The following ERCC8 variants were observed in gnomAD, a reference collection of about 807,000 sequenced individuals.
The protein encoded by ERCC8 is DNA excision repair protein ERCC-8.
Under a neutral mutation model 54.9 loss-of-function variants are expected in ERCC8, and 52 were observed. That is an observed-to-expected ratio of 0.95 (90% CI 0.76 to 1.19). ERCC8 has a LOEUF of 1.19. Ranked by LOEUF, ERCC8 falls within the 50% of genes most tolerant of loss-of-function variation. The pLI, the probability that ERCC8 is intolerant of heterozygous loss-of-function variation, is 0.00. For synonymous variants in ERCC8, 146 were observed against 157.2 expected, an observed-to-expected ratio of 0.93 and a Z score of 0.53; for missense variants, 514 against 466.1, an observed-to-expected ratio of 1.10 and a Z score of -0.95.
At chr5:60,877,869 T>C (rs368060722) in intron 11 of ERCC8, among the ~76,000 whole-genome samples, 10 of 152,094 alleles carry the variant, frequency 6.6e-5, no homozygotes, top group African/African-American at 9.7e-5. Flanking sequence ...TTATTTCCTT[T>C]TCCTGCCTGA....
At chr5:60,912,781 A>G (rs1303389767) in intron 4 of ERCC8, among the ~76,000 whole-genome samples, 1 of 152,148 alleles carries the variant, frequency 6.6e-6, no homozygotes, top group South Asian at 2.1e-4. Flanking sequence ...TACCTAGTTT[A>G]TTGAGAGTTT....
chr5:60,920,023 T>C (rs1749557714), intron 3 of ERCC8, among the ~76,000 whole-genome samples: 1 of 152,016 alleles, frequency 6.6e-6, no homozygotes, highest in Non-Finnish European at 1.5e-5. Flanking sequence ...TACCTCTTCT[T>C]ACAGAAAGCA....
At chr5:60,939,931 C>T (rs1230218198) in intron 1 of ERCC8, among the ~76,000 whole-genome samples, 2 of 152,100 alleles carry the variant, frequency 1.3e-5, no homozygotes, top group Non-Finnish European at 2.9e-5. Context: ...ACTAGGTATA[C>T]ATACTTTTAT....
intron 2 of ERCC8, among the ~76,000 whole-genome samples, chr5:60,928,291 G>A (rs1489018603): frequency 6.6e-6 from 1 of 152,228 alleles, no homozygotes; most frequent in Non-Finnish European, 1.5e-5. Context: ...AGTGGCAGCA[G>A]TGGTGGCAAC....
intron 8 of ERCC8, 53 bp downstream of exon 8, chr5:60,899,574 T>G (rs1002518781): frequency 1.5e-6 from 2 of 1,365,960 alleles, no homozygotes. Flanking sequence ...TTAAAAATTT[T>G]CAATGTAAAA....
chr5:60,938,048 C>CATACAT lies in ERCC8; in HGVS notation c.77+6883_77+6884insATGTAT, dbSNP rs1206815920. On this transcript the variant is annotated intron_variant, in intron 1 of 11. Coordinates refer to ENST00000676185, the MANE Select transcript of ERCC8 (RefSeq NM_000082.4). The stretch of plus-strand genomic sequence containing the variant: ...GTATACATACATACATACATACATA[C>CATACAT]ATATATATATATATATATATATATA... 9.0e-4 allele frequency among the ~76,000 whole-genome samples: 21 copies of CATACAT among 23,382 alleles called. No individual in the cohort carries two copies. In the East Asian group the frequency reaches 0.013, roughly 14 times the overall value. 15.3% of individuals were successfully genotyped at this position (23,382 alleles called of 152,430 possible).
In ERCC8 at chr5:60,915,522, T is replaced by C. The variant is rs899986120; in HGVS notation, c.399+2743A>G. 6.8e-4 allele frequency among the ~76,000 whole-genome samples: 104 copies of C among 152,168 alleles called. 2 individuals carry two copies. The highest frequency in any genetic ancestry group is 6.8e-3 in the Admixed American group (104 of 15,272). ...ATTTATAACACAAATTTATTATCTG[T>C]AATAAATCTGTTCTACAAGTTAAAA... On this transcript the variant is annotated intron_variant, in intron 4 of 11. Coordinates refer to ENST00000676185, the MANE Select transcript of ERCC8 (RefSeq NM_000082.4).
intron 11 of ERCC8, among the ~76,000 whole-genome samples, chr5:60,875,479 ACTT>A (rs1747970204): frequency 6.6e-6 from 1 of 152,158 alleles, no homozygotes; most frequent in South Asian, 2.1e-4. Flanking sequence ...TTTGGGGAAA[ACTT>A]CTGAATAGCT....
rs1747893282 is a variant in ERCC8 at position 60,872,871 on chromosome 5, A to G, written c.*1744T>C. Among the ~76,000 whole-genome samples, 1 of 152,242 alleles carries G rather than the reference A, an allele frequency of 6.6e-6. No homozygotes were observed. Among genetic ancestry groups the G allele is most frequent in the Non-Finnish European group, 1.5e-5 (1 of 68,038 alleles). On this transcript the variant is annotated 3_prime_UTR_variant, in exon 12 of 12. Transcript: ENST00000676185. Reference sequence around the variant, plus strand: ...AAGAGATATCTGCACTACCAGGTTCACTGCAGCATTATTCACAATAGCCAG... The same window carrying G: ...AAGAGATATCTGCACTACCAGGTTCGCTGCAGCATTATTCACAATAGCCAG...
chr5:60,943,554 T>G (rs1750328044), intron 1 of ERCC8, among the ~76,000 whole-genome samples: 1 of 152,192 alleles, frequency 6.6e-6, no homozygotes, highest in African/African-American at 2.4e-5. Flanking sequence ...GCATGGAGGT[T>G]TGTTATTAAT....
At chr5:60,884,250 C>G (rs138915352) in intron 11 of ERCC8, among the ~76,000 whole-genome samples, 1 of 151,906 alleles carries the variant, frequency 6.6e-6, no homozygotes, top group African/African-American at 2.4e-5. Context: ...GAGGCCGAGG[C>G]GGGTGGATCA....
chr5:60,913,693 G>C (rs1017727573), intron 4 of ERCC8, among the ~76,000 whole-genome samples: 8 of 151,872 alleles, frequency 5.3e-5, no homozygotes, highest in South Asian at 2.1e-4. Flanking sequence ...TTAGGGTGTC[G>C]ATTTTAGATC....
At chr5:60,896,537 T>G (rs2112483916) in intron 9 of ERCC8, among the ~76,000 whole-genome samples, 1 of 152,224 alleles carries the variant, frequency 6.6e-6, no homozygotes, top group Non-Finnish European at 1.5e-5. Flanking sequence ...AAAAAAGAAG[T>G]TACTAAACGG....
intron 11 of ERCC8, among the ~76,000 whole-genome samples, chr5:60,878,502 G>T (rs187434424): frequency 1.3e-5 from 2 of 152,106 alleles, no homozygotes; most frequent in Non-Finnish European, 2.9e-5. Context: ...ATCTGGTCCT[G>T]GACTTTTTTT....
At chr5:60,884,721 A>G (rs973556181) in intron 11 of ERCC8, among the ~76,000 whole-genome samples, 1 of 152,074 alleles carries the variant, frequency 6.6e-6, no homozygotes, top group Admixed American at 6.5e-5. Flanking sequence ...TGTTCTGCCT[A>G]TATTCACAGG....
At chr5:60,891,128 G>A (rs759345078) in intron 9 of ERCC8, 42 bp from the exon 10 acceptor site, 1 of 1,350,576 alleles carries the variant, frequency 7.4e-7, no homozygotes, top group Non-Finnish European at 1.1e-6. Context: ...TCTGAAATCT[G>A]AATTTAAAAC....
At chr5:60,935,203 C>T (rs1750029569) in intron 1 of ERCC8, among the ~76,000 whole-genome samples, 1 of 152,180 alleles carries the variant, frequency 6.6e-6, no homozygotes, top group Non-Finnish European at 1.5e-5. Context: ...TTTGTGTCAT[C>T]CATGATTTCT....
rs1307465388 is a variant in ERCC8 at position 60,944,925 on chromosome 5, TC to T, written c.77+6del. 6.2e-7 allele frequency: 1 copy of T among 1,612,230 alleles called. No homozygotes were observed. Among genetic ancestry groups the T allele is most frequent in the South Asian group, 1.1e-5 (1 of 91,028 alleles). ...GCCTGTTAGCCAAAAAGTAAGGTTTTCTTTACCTCCGTGTTGACTCTGCTCT... is the reference window on the plus strand; with the variant it reads ...GCCTGTTAGCCAAAAAGTAAGGTTTTTTTACCTCCGTGTTGACTCTGCTCT... On this transcript the variant is annotated splice_donor_region_variant and intron_variant, in intron 1 of 11. Transcript: ENST00000676185.
At chr5:60,944,039 A>T (rs913132790) in intron 1 of ERCC8, among the ~76,000 whole-genome samples, 4 of 152,216 alleles carry the variant, frequency 2.6e-5, no homozygotes, top group African/African-American at 9.6e-5. Flanking sequence ...TAATGTGGGC[A>T]AAATTAAAAG....
Sources: gnomAD v4.1 joint callset for allele counts (sites outside exome capture counted in the v4.1 genomes callset) on GRCh38, gnomAD v4.1.1 for gene constraint, MANE v1.5 for transcripts, NCBI Gene and HGNC (gene_info 2026-07-23, HGNC 2026-07-21) for gene names.